The following CDKAL1 variants were observed in gnomAD, a reference collection of about 807,000 sequenced individuals.
CDKAL1 encodes the protein CDKAL1 threonylcarbamoyladenosine tRNA methylthiotransferase, also known as threonylcarbamoyladenosine tRNA methylthiotransferase.
A neutral mutation model predicts 68.2 loss-of-function variants in CDKAL1; 32 were observed. The observed-to-expected ratio is 0.47, with a 90% CI of 0.35 to 0.63. The LOEUF is 0.63. Ranked by LOEUF, CDKAL1 falls within the 30% of genes least tolerant of loss-of-function variation. The pLI is 0.00. For synonymous variants in CDKAL1, 234 were observed against 244.3 expected, an observed-to-expected ratio of 0.96 and a Z score of 0.39; for missense variants, 606 against 696.7, an observed-to-expected ratio of 0.87 and a Z score of 1.47.
chr6:20,789,620 C>A (rs1197892502), intron 8 of CDKAL1, among the ~76,000 whole-genome samples: 1 of 152,150 alleles, frequency 6.6e-6, no homozygotes, highest in Non-Finnish European at 1.5e-5. Context: ...ATTGCCCTTT[C>A]TAAAAAGTAC....
At chr6:21,216,263 T>G (rs1479590100) in intron 15 of CDKAL1, among the ~76,000 whole-genome samples, 1 of 152,158 alleles carries the variant, frequency 6.6e-6, no homozygotes, top group Non-Finnish European at 1.5e-5. Context: ...TGGGAACTTA[T>G]CAGACTGATT....
At chr6:20,551,496 T>C (rs1247626357) in intron 4 of CDKAL1, among the ~76,000 whole-genome samples, 1 of 151,572 alleles carries the variant, frequency 6.6e-6, no homozygotes, top group Non-Finnish European at 1.5e-5. Flanking sequence ...GCCTCTCGAG[T>C]AGCTGGGACT....
chr6:20,639,759 C>T (rs1232215296), intron 4 of CDKAL1, among the ~76,000 whole-genome samples: 1 of 152,224 alleles, frequency 6.6e-6, no homozygotes, highest in East Asian at 1.9e-4. Flanking sequence ...CAACCTCCGC[C>T]TCCCATGTTC....
At chr6:21,008,411 G>A (rs1424262651) in intron 11 of CDKAL1, among the ~76,000 whole-genome samples, 2 of 152,302 alleles carry the variant, frequency 1.3e-5, no homozygotes, top group Non-Finnish European at 2.9e-5. Context: ...GGTCAGGCCC[G>A]TGGAGGTGGA....
chr6:21,183,173 A>G (rs191401104), intron 13 of CDKAL1, among the ~76,000 whole-genome samples: 25 of 151,636 alleles, frequency 1.6e-4, no homozygotes, highest in Admixed American at 1.6e-3. Flanking sequence ...CGTCTTTCCA[A>G]TAGCTACTGA....
intron 5 of CDKAL1, among the ~76,000 whole-genome samples, chr6:20,728,074 AT>A (rs1169308606): frequency 6.6e-6 from 1 of 152,192 alleles, no homozygotes; most frequent in Non-Finnish European, 1.5e-5. Flanking sequence ...GAGTGCCTTC[AT>A]AAAATGTCTA....
At chr6:20,900,503 T>C (rs751034502) in intron 9 of CDKAL1, among the ~76,000 whole-genome samples, 1 of 152,200 alleles carries the variant, frequency 6.6e-6, no homozygotes, top group Non-Finnish European at 1.5e-5. Flanking sequence ...TAAGTAGATA[T>C]TGCTAGTGGC....
At chr6:21,195,550 A>AC (rs1778438065) in intron 13 of CDKAL1, among the ~76,000 whole-genome samples, 1 of 150,612 alleles carries the variant, frequency 6.6e-6, no homozygotes, top group African/African-American at 2.4e-5. Context: ...TTATTCAGTC[A>AC]CCAATGCTGG....
intron 15 of CDKAL1, among the ~76,000 whole-genome samples, chr6:21,226,903 G>T (rs955498257): frequency 1.3e-5 from 2 of 152,242 alleles, no homozygotes; most frequent in African/African-American, 2.4e-5. Context: ...TAATAGAGAC[G>T]GGGTTTCACC....
At chr6:20,738,745 C>T (rs62399283) in intron 5 of CDKAL1, among the ~76,000 whole-genome samples, 6,267 of 152,226 alleles carry the variant, frequency 0.041, 144 homozygotes, top group Middle Eastern at 0.082. Flanking sequence ...GTGATCCTCC[C>T]GCCTTGGCCT....
chr6:20,780,091 C>A (rs1212656731), intron 7 of CDKAL1, among the ~76,000 whole-genome samples: 41 of 131,980 alleles, frequency 3.1e-4, no homozygotes, highest in African/African-American at 9.9e-4. Context: ...TCTTAAAAAA[C>A]CTAACCTTAA....
At chr6:20,972,734 A>G (rs1765655918) in intron 10 of CDKAL1, among the ~76,000 whole-genome samples, 1 of 152,296 alleles carries the variant, frequency 6.6e-6, no homozygotes, top group Admixed American at 6.5e-5. Flanking sequence ...GCTTGATTTT[A>G]GAACTCAGAG....
At chr6:20,826,173 C>A (rs548144104) in intron 8 of CDKAL1, among the ~76,000 whole-genome samples, 1 of 152,270 alleles carries the variant, frequency 6.6e-6, no homozygotes, top group South Asian at 2.1e-4. Context: ...TTTCCACTCT[C>A]ATGGGCTCAA....
rs146137046 is a variant in CDKAL1, at chr6:20,610,874, A to G, written c.287-38419A>G. Among the ~76,000 whole-genome samples the G allele has an allele frequency of 1.7e-3, 252 of 152,286 alleles. 2 individuals carry two copies. The South Asian group carries it at 0.019, about 12-fold the overall frequency. ...TGAGTCTAGTTTTTGAAACTTTAAA[A>G]TATTTTTTAGAGACAGGATCTTGAA... On this transcript the variant is annotated intron_variant, in intron 4 of 15. Transcript: ENST00000274695.
At chr6:20,743,002 T>G (rs1331440118) in intron 6 of CDKAL1, among the ~76,000 whole-genome samples, 2 of 152,122 alleles carry the variant, frequency 1.3e-5, no homozygotes, top group Non-Finnish European at 2.9e-5. Flanking sequence ...AATAGAACTG[T>G]TGTATAGAAT....
chr6:21,202,718 T>C (rs1030882100), intron 15 of CDKAL1, among the ~76,000 whole-genome samples: 3 of 152,232 alleles, frequency 2.0e-5, no homozygotes, highest in African/African-American at 7.2e-5. Flanking sequence ...AACATCACCA[T>C]TGATAATACA....
At chr6:20,565,580 G>A (rs192310943) in intron 4 of CDKAL1, among the ~76,000 whole-genome samples, 5 of 152,146 alleles carry the variant, frequency 3.3e-5, no homozygotes, top group Non-Finnish European at 5.9e-5. Flanking sequence ...TTCTAGCAGG[G>A]TTTGTTGATG....
At chr6:20,863,444 A>G (rs923958964) in intron 9 of CDKAL1, among the ~76,000 whole-genome samples, 3 of 148,860 alleles carry the variant, frequency 2.0e-5, no homozygotes, top group Non-Finnish European at 4.5e-5. Flanking sequence ...TTATCTTGAT[A>G]TCACTATTAA....
intron 5 of CDKAL1, among the ~76,000 whole-genome samples, chr6:20,738,961 GT>G (rs1773322960): frequency 6.6e-6 from 1 of 152,192 alleles, no homozygotes. Flanking sequence ...GGATAGTCTT[GT>G]GTCTGGAAGT....
Sources: gnomAD v4.1 joint callset for allele counts (sites outside exome capture counted in the v4.1 genomes callset) on GRCh38, gnomAD v4.1.1 for gene constraint, MANE v1.5 for transcripts, NCBI Gene and HGNC (gene_info 2026-07-23, HGNC 2026-07-21) for gene names.